The following FRK variants were observed in gnomAD, a reference collection of about 807,000 sequenced individuals.
FRK encodes tyrosine-protein kinase FRK.
Under a neutral mutation model 56.4 loss-of-function variants are expected in FRK, and 51 were observed. The observed-to-expected ratio is 0.90, with a 90% CI of 0.72 to 1.14. FRK has a LOEUF of 1.14. Ranked by LOEUF, FRK falls within the 50% of genes most tolerant of loss-of-function variation. The pLI, the probability that FRK is intolerant of heterozygous loss-of-function variation, is 0.00. For synonymous variants in FRK, 245 were observed against 217.9 expected (o/e 1.12, Z -1.10); for missense variants, 570 against 601.4 (o/e 0.95, Z 0.55).
the FRK span, among the ~76,000 whole-genome samples, chr6:116,083,548 C>G: frequency 6.6e-6 from 1 of 152,096 alleles, no homozygotes; most frequent in Non-Finnish European, 1.5e-5. Flanking sequence ...TAATTTATAG[C>G]AATGATTCTC....
intron 2 of FRK, among the ~76,000 whole-genome samples, chr6:115,985,530 A>C (rs955258395): frequency 6.6e-6 from 1 of 152,150 alleles, no homozygotes; most frequent in Non-Finnish European, 1.5e-5. Context: ...GGATGTCCAC[A>C]TAAGTTCTGA....
intron 2 of FRK, among the ~76,000 whole-genome samples, chr6:115,988,225 C>T (rs1774460979): frequency 6.6e-6 from 1 of 152,034 alleles, no homozygotes; most frequent in African/African-American, 2.4e-5. Flanking sequence ...AGCTAATGTG[C>T]ATATATCATT....
At chr6:115,997,861 T>C (rs1306161622) in intron 2 of FRK, among the ~76,000 whole-genome samples, 1 of 152,202 alleles carries the variant, frequency 6.6e-6, no homozygotes, top group Non-Finnish European at 1.5e-5. Context: ...AGGGACTGCA[T>C]CTGAACTCAG....
intron 1 of FRK, among the ~76,000 whole-genome samples, chr6:116,018,527 A>G (rs1775738906): frequency 6.6e-6 from 1 of 152,332 alleles, no homozygotes; most frequent in Non-Finnish European, 1.5e-5. Context: ...GTTTATTAAA[A>G]TTATAAGTGT....
At chr6:116,045,998 T>G (rs1776941127) in intron 1 of FRK, among the ~76,000 whole-genome samples, 1 of 152,146 alleles carries the variant, frequency 6.6e-6, no homozygotes, top group African/African-American at 2.4e-5. Context: ...GAACAGACAC[T>G]TCTCAAAAGA....
chr6:115,939,909 G>T lies in FRK; in HGVS notation c.*2505C>A, dbSNP rs1772125869. The T allele has an allele frequency of 6.6e-6, 1 of 152,180 alleles. No individual in the cohort carries two copies. Among genetic ancestry groups the T allele is most frequent in the Non-Finnish European group, 1.5e-5 (1 of 68,040 alleles). 9.4% of individuals were successfully genotyped at this position (152,180 alleles called of 1,614,324 possible). A position where few individuals can be genotyped will look rare whatever the true frequency, so the allele number is the denominator to read the frequency against. ...CGTGAAAATGGCCATATTGCCCAAG[G>T]CAATTTATATATTCAGTGCTATCCC... is the stretch of plus-strand genomic sequence containing the variant. On this transcript the variant is annotated 3_prime_UTR_variant, in exon 8 of 8. Transcript: ENST00000606080.
intron 1 of FRK, chr6:116,039,133 T>C: frequency 1.1e-6 from 1 of 909,088 alleles, no homozygotes; most frequent in East Asian, 2.4e-5. Context: ...TCGCTTGCAC[T>C]GGGGAGAAGC....
At chr6:116,017,003 A>G (rs984134022) in intron 1 of FRK, among the ~76,000 whole-genome samples, 1 of 152,186 alleles carries the variant, frequency 6.6e-6, no homozygotes, top group African/African-American at 2.4e-5. Context: ...AAACAAAAGG[A>G]AGGCTCTGCC....
At chr6:116,054,927 A>G (rs1777334012) in intron 1 of FRK, among the ~76,000 whole-genome samples, 1 of 152,136 alleles carries the variant, frequency 6.6e-6, no homozygotes, top group South Asian at 2.1e-4. Context: ...CATTGTTTCT[A>G]TACCTATAAT....
chr6:115,983,755 A>C (rs1774292498), intron 2 of FRK, among the ~76,000 whole-genome samples: 1 of 152,006 alleles, frequency 6.6e-6, no homozygotes, highest in South Asian at 2.1e-4. Flanking sequence ...CTCTGCCTAG[A>C]GTGTTTCAGT....
chr6:115,959,595 C>G (rs1773245060), intron 4 of FRK, among the ~76,000 whole-genome samples: 1 of 152,140 alleles, frequency 6.6e-6, no homozygotes, highest in African/African-American at 2.4e-5. Context: ...CTTCATCTGC[C>G]AGATGAAAAT....
chr6:116,027,255 C>T (rs367593056), intron 1 of FRK, among the ~76,000 whole-genome samples: 20 of 152,180 alleles, frequency 1.3e-4, no homozygotes, highest in African/African-American at 3.4e-4. Flanking sequence ...AAAACATAGT[C>T]GCAAATAAAC....
chr6:116,069,381 G>T, the FRK span, among the ~76,000 whole-genome samples: 3 of 152,180 alleles, frequency 2.0e-5, no homozygotes, highest in East Asian at 5.8e-4. Context: ...CAAACTCTAT[G>T]TGCAAAGTAA....
chr6:116,089,658 C>A, the FRK span, among the ~76,000 whole-genome samples: 2 of 152,162 alleles, frequency 1.3e-5, no homozygotes, highest in Admixed American at 6.5e-5. Context: ...TGCATCTCTG[C>A]TGTATCTTTA....
rs1242990974 is a variant in FRK, at chr6:115,953,658, C to T, written c.958+2794G>A. On this transcript the variant is annotated intron_variant, in intron 5 of 7. Transcript: ENST00000606080. Reference sequence around the variant, plus strand: ...GAAGCTGATAGGGTTCATACTTAGCCCTAAGTAAACCACATCACCAAGCCA... The same window carrying T: ...GAAGCTGATAGGGTTCATACTTAGCTCTAAGTAAACCACATCACCAAGCCA... Among the ~76,000 whole-genome samples, 7 of 152,240 alleles carry T rather than the reference C, an allele frequency of 4.6e-5. No individual in the cohort carries two copies. In the East Asian group the frequency reaches 1.4e-3, roughly 29 times the overall value.
chr6:115,966,501 G>A lies in FRK; in HGVS notation c.799+1050C>T, dbSNP rs375041672. Among the ~76,000 whole-genome samples, 5 of 152,238 alleles carry A rather than the reference G, an allele frequency of 3.3e-5. No individual in the cohort carries two copies. The East Asian group carries it at 9.7e-4, about 29-fold the overall frequency. On this transcript the variant is annotated intron_variant, in intron 4 of 7. Transcript: ENST00000606080. Reference sequence around the variant, plus strand: ...CACCATGGTGCCCCCATGAGCCTTGGCACACAGTTTGGGAACCATGGTGTT... The same window carrying A: ...CACCATGGTGCCCCCATGAGCCTTGACACACAGTTTGGGAACCATGGTGTT...
chr6:116,065,409 T>C (rs1350064602), upstream of FRK, among the ~76,000 whole-genome samples: 2 of 152,322 alleles, frequency 1.3e-5, no homozygotes, highest in East Asian at 1.9e-4. Context: ...CTCCACCACA[T>C]AGTCTTCCTC....
chr6:115,956,619 A>C lies in FRK; in HGVS notation c.800-9T>G. ...ATTTGGATCCATTGAACCTGAAACA[A>C]GAAGAGGGAGAAATCACTTTATGTT... On this transcript the variant is annotated splice_polypyrimidine_tract_variant and intron_variant, in intron 4 of 7. Transcript: ENST00000606080. 1 of 1,527,600 alleles carries C rather than the reference A, an allele frequency of 6.5e-7. No individual in the cohort carries two copies. Among genetic ancestry groups the C allele is most frequent in the Non-Finnish European group, 8.8e-7 (1 of 1,135,982 alleles). The allele number at this position is 1,527,600 out of a possible 1,614,324, so 94.6% of individuals were successfully genotyped here.
At chr6:116,061,399 A>AACACACACACACAC (rs3049929), upstream of FRK, among the ~76,000 whole-genome samples, 24 of 146,680 alleles carry the variant, frequency 1.6e-4, no homozygotes, top group African/African-American at 3.0e-4. Context: ...CTATTTGGGA[A>AACACACACACACAC]ACACACACAC....
Sources: allele counts gnomAD v4.1 joint callset (sites outside exome capture counted in the v4.1 genomes callset), GRCh38; gene constraint gnomAD v4.1.1; transcripts MANE v1.5; gene names NCBI Gene and HGNC (gene_info 2026-07-23, HGNC 2026-07-21).